RALYL: variants seen among roughly 807,000 people sequenced by gnomAD.
RALYL encodes RNA-binding Raly-like protein.
Under a neutral mutation model 35.1 loss-of-function variants are expected in RALYL, and 29 were observed. That is an observed-to-expected ratio of 0.83 (90% CI 0.61 to 1.13). RALYL has a LOEUF of 1.13. Ranked by LOEUF, RALYL falls within the 50% of genes most tolerant of loss-of-function variation. RALYL has a pLI of 0.00. For synonymous variants in RALYL, 120 were observed against 127.6 expected (o/e 0.94, Z 0.40); for missense variants, 359 against 360.4 (o/e 1.00, Z 0.03).
chr8:84,630,907 A>G (rs1470665384), intron 2 of RALYL, among the ~76,000 whole-genome samples: 1 of 152,084 alleles, frequency 6.6e-6, no homozygotes, highest in African/African-American at 2.4e-5. Flanking sequence ...TAGATTTTAT[A>G]AAATTAAGGA....
chr8:84,593,369 C>T (rs1005320388), intron 2 of RALYL, among the ~76,000 whole-genome samples: 3 of 151,980 alleles, frequency 2.0e-5, no homozygotes, highest in African/African-American at 7.2e-5. Flanking sequence ...CCTCATGCGT[C>T]GCCAATCTTC....
At chr8:84,756,519 G>A (rs965311244) in intron 2 of RALYL, among the ~76,000 whole-genome samples, 8 of 152,060 alleles carry the variant, frequency 5.3e-5, no homozygotes, top group African/African-American at 1.9e-4. Flanking sequence ...AAATATTGAT[G>A]ACTTAGTGCC....
chr8:84,415,077 A>C (rs1411486021), intron 1 of RALYL, among the ~76,000 whole-genome samples: 3 of 151,888 alleles, frequency 2.0e-5, no homozygotes, highest in African/African-American at 7.3e-5. Flanking sequence ...AAAGGACATA[A>C]GGGTTATTGT....
At chr8:84,419,853 T>C (rs1358436183) in intron 1 of RALYL, among the ~76,000 whole-genome samples, 1 of 151,722 alleles carries the variant, frequency 6.6e-6, no homozygotes, top group Non-Finnish European at 1.5e-5. Context: ...ATTTCATCCA[T>C]GTCCCTACAA....
At chr8:84,620,188 T>C (rs202224013) in intron 2 of RALYL, among the ~76,000 whole-genome samples, 4,689 of 118,350 alleles carry the variant, frequency 0.04, no homozygotes, top group African/African-American at 0.05. Context: ...TTGCAGAGTG[T>C]TTTCCAACTT....
intron 7 of RALYL, among the ~76,000 whole-genome samples, chr8:84,885,283 C>A (rs570197504): frequency 6.6e-6 from 1 of 152,168 alleles, no homozygotes; most frequent in African/African-American, 2.4e-5. Flanking sequence ...ATTCAAACAA[C>A]TGAGTCTTCT....
intron 2 of RALYL, among the ~76,000 whole-genome samples, chr8:84,542,986 G>A (rs1464635167): frequency 6.6e-6 from 1 of 151,996 alleles, no homozygotes; most frequent in Non-Finnish European, 1.5e-5. Flanking sequence ...AATACATTTT[G>A]ACTCCATTGA....
At chr8:84,224,286 G>C (rs947023011) in intron 1 of RALYL, among the ~76,000 whole-genome samples, 7 of 152,146 alleles carry the variant, frequency 4.6e-5, no homozygotes, top group African/African-American at 1.2e-4. Context: ...GCTCTGTACA[G>C]CTCTCAACCC....
intron 1 of RALYL, among the ~76,000 whole-genome samples, chr8:84,390,313 T>C (rs182684422): frequency 0.01 from 1,558 of 152,186 alleles, 19 homozygotes; most frequent in Non-Finnish European, 0.013. Context: ...CTTTTTTGGT[T>C]GTGTCTCTGC....
chr8:84,232,815 GATC>G (rs1825660743), intron 1 of RALYL, among the ~76,000 whole-genome samples: 1 of 151,734 alleles, frequency 6.6e-6, no homozygotes, highest in East Asian at 1.9e-4. Flanking sequence ...CCTATAAAGT[GATC>G]ATATTATAAC....
intron 2 of RALYL, among the ~76,000 whole-genome samples, chr8:84,720,484 C>G (rs186977568): frequency 5.3e-5 from 8 of 152,208 alleles, no homozygotes; most frequent in African/African-American, 1.9e-4. Context: ...CTATCCCTCA[C>G]TGTATAAAAA....
chr8:84,732,486 A>T (rs190259573), intron 2 of RALYL, among the ~76,000 whole-genome samples: 4 of 152,062 alleles, frequency 2.6e-5, no homozygotes, highest in African/African-American at 9.6e-5. Context: ...ATTAGCTATT[A>T]TTCAACTACA....
intron 1 of RALYL, among the ~76,000 whole-genome samples, chr8:84,518,529 G>A (rs549783750): frequency 1.3e-5 from 2 of 152,262 alleles, no homozygotes; most frequent in African/African-American, 2.4e-5. Context: ...GTGTAAAAAG[G>A]AACTTTATCT....
At chr8:84,851,099 A>G (rs1311931988) in intron 5 of RALYL, among the ~76,000 whole-genome samples, 1 of 152,072 alleles carries the variant, frequency 6.6e-6, no homozygotes, top group African/African-American at 2.4e-5. Flanking sequence ...CTGCATTTTC[A>G]TCTTTGATCA....
intron 2 of RALYL, among the ~76,000 whole-genome samples, chr8:84,534,659 A>G (rs2059482631): frequency 6.6e-6 from 1 of 152,172 alleles, no homozygotes; most frequent in Admixed American, 6.5e-5. Context: ...CATGGAAAAG[A>G]GCACCACAGG....
chr8:84,290,844 A>T (rs979287854), intron 1 of RALYL, among the ~76,000 whole-genome samples: 1 of 152,170 alleles, frequency 6.6e-6, no homozygotes, highest in Non-Finnish European at 1.5e-5. Context: ...TAACAACCAT[A>T]AATCATTGGA....
intron 1 of RALYL, among the ~76,000 whole-genome samples, chr8:84,304,989 T>G (rs1460222828): frequency 1.3e-5 from 2 of 152,188 alleles, no homozygotes; most frequent in African/African-American, 2.4e-5. Flanking sequence ...TAAAACTGTT[T>G]ATTCATATGA....
intron 2 of RALYL, among the ~76,000 whole-genome samples, chr8:84,601,428 C>G (rs1815922917): frequency 6.6e-6 from 1 of 152,038 alleles, no homozygotes; most frequent in Non-Finnish European, 1.5e-5. Context: ...TGAGAAATTA[C>G]CTAGAAACTA....
At chr8:84,391,690 C>T (rs1038949131) in intron 1 of RALYL, among the ~76,000 whole-genome samples, 1 of 152,020 alleles carries the variant, frequency 6.6e-6, no homozygotes, top group Non-Finnish European at 1.5e-5. Flanking sequence ...TAATTGGCTC[C>T]TGCATTTGTG....
Sources: gnomAD v4.1 joint callset for allele counts (sites outside exome capture counted in the v4.1 genomes callset) on GRCh38, gnomAD v4.1.1 for gene constraint, MANE v1.5 for transcripts, NCBI Gene and HGNC (gene_info 2026-07-23, HGNC 2026-07-21) for gene names.